The following CARD9 variants were observed in gnomAD, a reference collection of about 807,000 sequenced individuals.
CARD9 encodes caspase recruitment domain family member 9.
CARD9 carries 53 observed loss-of-function variants against 66.0 expected under a neutral mutation model. That is an observed-to-expected ratio of 0.80 (90% confidence interval 0.64 to 1.01). The LOEUF is 1.01. CARD9 is among the 50% of genes least tolerant of loss of function. The probability of loss-of-function intolerance (pLI) is 0.00; values close to 1 mark genes in which losing one functional copy is unlikely to be tolerated. For synonymous variants in CARD9, 387 were observed against 313.8 expected, an observed-to-expected ratio of 1.23 and a Z score of -2.47; for missense variants, 769 against 743.2, an observed-to-expected ratio of 1.03 and a Z score of -0.40.
Position 136,370,349 on chromosome 9 carries a change from T to A in CARD9, c.896A>T (p.Asn299Ile). 1 of 1,610,214 alleles carries A rather than the reference T, an allele frequency of 6.2e-7. No homozygotes were observed. The highest frequency in any genetic ancestry group is 8.5e-7 in the Non-Finnish European group (1 of 1,179,288). The change falls in exon 6 of 13, where the codon AAC (asparagine) becomes ATC (isoleucine). Residue 299 changes from asparagine (N) to isoleucine (I), a missense_variant. Transcript: ENST00000371732. The part of the protein sequence containing the change: ...QALRDHQEQA[N>I]TIFSLRKDLR... Reference sequence around the variant, plus strand: ...GTCCTTGCGCAGGGAGAAGATGGTGTTGGCCTGCTCCTGGTGGTCCCGCAG... The same window carrying A: ...GTCCTTGCGCAGGGAGAAGATGGTGATGGCCTGCTCCTGGTGGTCCCGCAG...
Position 136,372,003 on chromosome 9 carries a change from C to T in CARD9, c.76G>A (p.Asp26Asn), listed in dbSNP as rs368845667. Residue 26 changes from aspartate to asparagine, a missense_variant, in exon 2 of 13, where the codon GAC becomes AAC. Physicochemically the swap from Asp to Asn is conservative, Grantham distance 23. Transcript: ENST00000371732. Reference protein sequence around the residue: ...GFRVTLTSVIDPSRITPYLRQ... With the variant: ...GFRVTLTSVINPSRITPYLRQ... ...AGGTAAGGTGTGATGCGTGAGGGGT[C>T]GATGACCGAGGTGAGCGTCACCCGG... is the stretch of plus-strand genomic sequence containing the variant. 3.7e-6 allele frequency: 6 copies of T among 1,612,624 alleles called. No homozygotes were observed. The highest frequency in any genetic ancestry group is 4.5e-5 in the East Asian group (2 of 44,886).
In CARD9 at chr9:136,370,334, A is replaced by C; in HGVS notation, c.911T>G (p.Leu304Arg). 1 of 1,609,236 alleles carries C rather than the reference A, an allele frequency of 6.2e-7. No individual in the cohort carries two copies. The highest frequency in any genetic ancestry group is 8.5e-7 in the Non-Finnish European group (1 of 1,179,170). ...CTCGCCCTGGCGGAGGTCCTTGCGCAGGGAGAAGATGGTGTTGGCCTGCTC... is the reference window on the plus strand; with the variant it reads ...CTCGCCCTGGCGGAGGTCCTTGCGCCGGGAGAAGATGGTGTTGGCCTGCTC... ...HQEQANTIFS[L>R]RKDLRQGEAR... Residue 304 changes from leucine to arginine, a missense_variant, in exon 6 of 13, where the codon CTG (leucine) becomes CGG (arginine). Physicochemically the swap from Leu to Arg is moderately radical, Grantham distance 102. Transcript: ENST00000371732.
intron 10 of CARD9, 139 bp from the exon 11 acceptor site, chr9:136,365,356 T>A: frequency 7.9e-6 from 6 of 764,228 alleles, no homozygotes; most frequent in East Asian, 2.7e-5. Context: ...CAGTGTAGAC[T>A]CTGCTTTCTG....
At chr9:136,371,613 T>TCCCCAGCCTAGTACCAAG in intron 2 of CARD9, 152 bp from the exon 3 acceptor site, 1 of 1,332,922 alleles carries the variant, frequency 7.5e-7, no homozygotes, top group African/African-American at 1.4e-5. Flanking sequence ...CGGGTCTTGG[T>TCCCCAGCCTAGTACCAAG]ACTAGGCTGG....
In CARD9 at chr9:136,364,163, C is replaced by T. The variant is rs564615796; in HGVS notation, c.*139G>A. 262 of 1,550,546 alleles carry T rather than the reference C, an allele frequency of 1.7e-4. No individual in the cohort carries two copies. Among genetic ancestry groups the T allele is most frequent in the Non-Finnish European group, 1.8e-4 (210 of 1,146,866 alleles). ...CCAATGCCCGGCAGTCCGGCTGGGCCTTTCAGGGCACCAGATTCCTCGTTC... is the reference window on the plus strand; with the variant it reads ...CCAATGCCCGGCAGTCCGGCTGGGCTTTTCAGGGCACCAGATTCCTCGTTC... On this transcript the variant is annotated 3_prime_UTR_variant, in exon 13 of 13. Coordinates refer to ENST00000371732, the MANE Select transcript of CARD9 (RefSeq NM_052813.5).
At chr9:136,371,539 G>T in intron 2 of CARD9, 78 bp from the exon 3 acceptor site, 1 of 1,516,992 alleles carries the variant, frequency 6.6e-7, no homozygotes, top group Non-Finnish European at 8.9e-7. Flanking sequence ...TGGGGGCAGG[G>T]ACAGGTGGAG....
At position 136,365,116 on chromosome 9, in the gene CARD9, G is replaced by A. The variant is rs377490709; in HGVS notation, c.1434+25C>T. 8.1e-6 allele frequency: 13 copies of A among 1,608,648 alleles called. No homozygotes were observed. The African/African-American group carries it at 1.6e-4, about 20-fold the overall frequency. On this transcript the variant is annotated intron_variant, in intron 11 of 12. Transcript: ENST00000371732. Reference sequence around the variant, plus strand: ...GTCACCCTGAGGCCCACGGCTGGGAGGACCCCACCCCGGGGAAGCCTTACA... The same window carrying A: ...GTCACCCTGAGGCCCACGGCTGGGAAGACCCCACCCCGGGGAAGCCTTACA...
In CARD9 at chr9:136,366,912, C is replaced by G. The variant is rs1274637106; in HGVS notation, c.1312-67G>C. The G allele has an allele frequency of 3.8e-6, 6 of 1,567,356 alleles. No individual in the cohort carries two copies. The Admixed American group carries it at 8.3e-5, about 22-fold the overall frequency. Reference sequence around the variant, plus strand: ...AAGGACTGGACCCGGCCACACTGCCCACCCCAGCCCTTGGCCCTCAGCTGG... The same window carrying G: ...AAGGACTGGACCCGGCCACACTGCCGACCCCAGCCCTTGGCCCTCAGCTGG... On this transcript the variant is annotated intron_variant, in intron 9 of 12. Coordinates refer to ENST00000371732, the MANE Select transcript of CARD9 (RefSeq NM_052813.5).
Position 136,364,250 on chromosome 9 carries a change from G to A in CARD9, c.*52C>T. 2 of 1,550,436 alleles carry A rather than the reference G, an allele frequency of 1.3e-6. No homozygotes were observed. Among genetic ancestry groups the A allele is most frequent in the Non-Finnish European group, 1.7e-6 (2 of 1,146,680 alleles). On this transcript the variant is annotated 3_prime_UTR_variant, in exon 13 of 13. Coordinates refer to ENST00000371732, the MANE Select transcript of CARD9 (RefSeq NM_052813.5). ...CCCAGGGCGTCGGCACCCCCGGGTG[G>A]CAGGAGGCCGGGCCGGTGGGTGTGC...
At position 136,371,414 on chromosome 9, in the gene CARD9, C is replaced by T; in HGVS notation, c.232G>A (p.Ala78Thr). 6.3e-7 allele frequency: 1 copy of T among 1,590,230 alleles called. No individual in the cohort carries two copies. The highest frequency in any genetic ancestry group is 8.6e-7 in the Non-Finnish European group (1 of 1,168,156). ...TAGAGCTCCAGGCTCTCGAGGAAGGCCACGTAGCCCTTGTGGCCGGTCCGC... is the reference window on the plus strand; with the variant it reads ...TAGAGCTCCAGGCTCTCGAGGAAGGTCACGTAGCCCTTGTGGCCGGTCCGC... ...LQRTGHKGYV[A>T]FLESLELYYP... Residue 78 changes from alanine (A) to threonine (T), a missense_variant, in exon 3 of 13, where the codon GCC becomes ACC. Ala to Thr is a moderately conservative substitution (Grantham distance 58, BLOSUM62 0). Transcript: ENST00000371732.
rs773308348 is a variant in CARD9, at chr9:136,364,053, C to T, written c.*249G>A. 9 of 1,532,096 alleles carry T rather than the reference C, an allele frequency of 5.9e-6. No individual in the cohort carries two copies. Among genetic ancestry groups the T allele is most frequent in the African/African-American group, 2.8e-5 (2 of 72,662 alleles). The allele number at this position is 1,532,096 out of a possible 1,614,324, so 94.9% of individuals were successfully genotyped here. On this transcript the variant is annotated 3_prime_UTR_variant, in exon 13 of 13. Coordinates refer to ENST00000371732, the MANE Select transcript of CARD9 (RefSeq NM_052813.5). The stretch of plus-strand genomic sequence containing the variant: ...TGTTACATGGTGAAACAGAACAGAT[C>T]CTGAAGTTACACAGATGGCGTGTGC...
rs1406534280 is a variant in CARD9, at chr9:136,364,557, G to C, written c.1437C>G (p.Asp479Glu). 2 of 1,537,924 alleles carry C rather than the reference G, an allele frequency of 1.3e-6. No individual in the cohort carries two copies. Among genetic ancestry groups the C allele is most frequent in the East Asian group, 2.4e-5 (1 of 40,896 alleles). The change falls in exon 12 of 13, where the codon GAC (aspartate) becomes GAG (glutamate). Residue 479 changes from aspartate (D) to glutamate (E), a missense_variant and splice_region_variant. Coordinates refer to ENST00000371732, the MANE Select transcript of CARD9 (RefSeq NM_052813.5). Reference protein sequence around the residue: ...HQEQVLRNPHDAGLSSGEPPE... With the variant: ...HQEQVLRNPHEAGLSSGEPPE... Reference sequence around the variant, plus strand: ...GCGGCTCCCCGCTGCTCAGGCCTGCGTCCTGGAGAAGGGGGAAGGCTCGGG... The same window carrying C: ...GCGGCTCCCCGCTGCTCAGGCCTGCCTCCTGGAGAAGGGGGAAGGCTCGGG...
At chr9:136,372,206 G>C (rs1289197131) in intron 1 of CARD9, 112 bp from the exon 2 acceptor site, 1 of 1,446,182 alleles carries the variant, frequency 6.9e-7, no homozygotes, top group African/African-American at 1.4e-5. Flanking sequence ...GCATCGAGGG[G>C]GATCAGCCCA....
At chr9:136,370,788 ACCCCG>A in intron 4 of CARD9, 48 bp downstream of exon 4, 1 of 1,601,430 alleles carries the variant, frequency 6.2e-7, no homozygotes, top group Non-Finnish European at 8.5e-7. Context: ...CGGCCTGCAG[ACCCCG>A]CCAGGCCAGG....
Position 136,371,382 on chromosome 9 carries a change from C to T in CARD9, c.264G>A (p.Pro88=), listed in dbSNP as rs753481864. 35 of 1,598,842 alleles carry T rather than the reference C, an allele frequency of 2.2e-5. No individual in the cohort carries two copies. Among genetic ancestry groups the T allele is most frequent in the Admixed American group, 6.9e-5 (4 of 58,186 alleles). ...TGCCTGTGACCTTCTTGTACAGCTG[C>T]GGGTAGTAGAGCTCCAGGCTCTCGA... is the stretch of plus-strand genomic sequence containing the variant. ...AFLESLELYY[P]QLYKKVTGKE... The change falls in exon 3 of 13, where the codon CCG becomes CCA. Residue 88 remains proline, a synonymous_variant. Transcript: ENST00000371732.
chr9:136,370,741 G>A lies in CARD9; in HGVS notation c.628-40C>T, dbSNP rs757991472. ...GTGAGCCTGGCTGTCCCCTCCAGGC[G>A]GTGACCGCAGACCCGTGGGGCCACC... On this transcript the variant is annotated intron_variant, in intron 4 of 12. Coordinates refer to ENST00000371732, the MANE Select transcript of CARD9 (RefSeq NM_052813.5). The A allele has an allele frequency of 2.5e-5, 40 of 1,612,296 alleles. 1 individual carries two copies. The highest frequency in any genetic ancestry group is 7.7e-5 in the South Asian group (7 of 91,082).
chr9:136,370,105 G>T (rs1245916868), intron 6 of CARD9, 189 bp downstream of exon 6: 13 of 1,402,578 alleles, frequency 9.3e-6, no homozygotes, highest in Middle Eastern at 2.5e-4. Flanking sequence ...GAGCCCAGAG[G>T]TTGGCCTTTG....
chr9:136,371,943 C>G lies in CARD9; in HGVS notation c.136G>C (p.Glu46Gln). 1 of 1,610,046 alleles carries G rather than the reference C, an allele frequency of 6.2e-7. No homozygotes were observed. Among genetic ancestry groups the G allele is most frequent in the Non-Finnish European group, 8.5e-7 (1 of 1,177,586 alleles). The change falls in exon 2 of 13, where the codon GAG (glutamate) becomes CAG (glutamine). Residue 46 changes from glutamate (E) to glutamine (Q), a missense_variant. Transcript: ENST00000371732. ...AGGTTGGGGTCGCTGAGCACCTGCT[C>G]CTCATCATCGGGGTTCAGGACCTTG... ...QCKVLNPDDE[E>Q]QVLSDPNLVI... is the part of the protein sequence containing the mutation.
rs745787091 is a variant in CARD9 at position 136,367,620 on chromosome 9, G to GCAGGCCC, written c.1269+10_1269+16dup. 4 of 1,561,448 alleles carry GCAGGCCC rather than the reference G, an allele frequency of 2.6e-6. No individual in the cohort carries two copies. The highest frequency in any genetic ancestry group is 2.7e-5 in the African/African-American group (2 of 74,140). On this transcript the variant is annotated intron_variant, in intron 8 of 12. Coordinates refer to ENST00000371732, the MANE Select transcript of CARD9 (RefSeq NM_052813.5). Reference sequence around the variant, plus strand: ...CCACGCGCCGGCTCCCCTCCCTGCCGCAGGCCCCAGGCCCACCAGGACGAG... The same window carrying GCAGGCCC: ...CCACGCGCCGGCTCCCCTCCCTGCCGCAGGCCCCAGGCCCCAGGCCCACCAGGACGAG...
Sources: allele counts gnomAD v4.1 joint callset, GRCh38; gene constraint gnomAD v4.1.1; transcripts MANE v1.5; gene names NCBI Gene and HGNC (gene_info 2026-07-23, HGNC 2026-07-21).